RABGAP1: variants seen among roughly 807,000 people sequenced by gnomAD.
The protein encoded by RABGAP1 is RAB GTPase activating protein 1.
Under a neutral mutation model 137.6 loss-of-function variants are expected in RABGAP1, and 23 were observed. The ratio of observed to expected loss-of-function variants is 0.17; its 90% CI spans 0.12 to 0.24. RABGAP1 has a LOEUF of 0.24. Among genes scored for constraint, RABGAP1 ranks in the 10% least tolerant of loss-of-function variants. The probability of loss-of-function intolerance (pLI) is 1.00; values close to 1 mark genes in which losing one functional copy is unlikely to be tolerated. For synonymous variants in RABGAP1, 451 were observed against 450.7 expected, an observed-to-expected ratio of 1.00 and a Z score of -0.01; for missense variants, 906 against 1,275.8, an observed-to-expected ratio of 0.71 and a Z score of 4.42.
chr9:122,962,857 A>T (rs558584647), intron 2 of RABGAP1, among the ~76,000 whole-genome samples: 36 of 152,332 alleles, frequency 2.4e-4, no homozygotes, highest in Admixed American at 2.2e-3. Context: ...AGGTTTAGAG[A>T]TACAAATAGA....
At chr9:123,084,195 A>G (rs1465146330) in intron 19 of RABGAP1, among the ~76,000 whole-genome samples, 1 of 152,244 alleles carries the variant, frequency 6.6e-6, no homozygotes, top group Admixed American at 6.5e-5. Context: ...AGTAAATAAA[A>G]TAGTAGATAT....
At position 123,089,297 on chromosome 9, in the gene RABGAP1, G is replaced by T. The variant is rs184548345; in HGVS notation, c.2425-461G>T. Among the ~76,000 whole-genome samples the T allele has an allele frequency of 1.9e-3, 293 of 152,278 alleles. 1 individual carries two copies. The highest frequency in any genetic ancestry group is 3.1e-3 in the Non-Finnish European group (208 of 68,020). ...CCCAGATCTCCCAGTCCCTTATTGT[G>T]TGACTTTGGTCAAGTTACATAACCA... On this transcript the variant is annotated intron_variant, in intron 19 of 25. Coordinates refer to ENST00000373647, the MANE Select transcript of RABGAP1 (RefSeq NM_012197.4).
chr9:123,102,501 C>T lies in RABGAP1; in HGVS notation c.3088-590C>T, dbSNP rs541737257. On this transcript the variant is annotated intron_variant, in intron 25 of 25. Coordinates refer to ENST00000373647, the MANE Select transcript of RABGAP1 (RefSeq NM_012197.4). ...GCTAAGGCCTGGTAGTGTGACTACCCGGAATAATCAGGAAAGGCATCACCA... is the reference window on the plus strand; with the variant it reads ...GCTAAGGCCTGGTAGTGTGACTACCTGGAATAATCAGGAAAGGCATCACCA... 4.5e-4 allele frequency among the ~76,000 whole-genome samples: 68 copies of T among 152,230 alleles called. 1 individual carries two copies. The South Asian group carries it at 0.013, about 29-fold the overall frequency.
rs201287074 is a variant in RABGAP1 at position 123,052,495 on chromosome 9, G to A, written c.1795-12853G>A. ...AATTTATTCAGTAAGTTTTTATCGG[G>A]TGCCTACTTTGTGTCAGATACTCTT... On this transcript the variant is annotated intron_variant, in intron 13 of 25. Transcript: ENST00000373647. Among the ~76,000 whole-genome samples the A allele has an allele frequency of 2.0e-5, 3 of 152,278 alleles. No individual in the cohort carries two copies. In the East Asian group the frequency reaches 5.8e-4, roughly 29 times the overall value.
chr9:123,065,326 C>T, intron 13 of RABGAP1, 22 bp from the exon 14 acceptor site: 1 of 1,531,284 alleles, frequency 6.5e-7, no homozygotes, highest in Non-Finnish European at 9.0e-7. Flanking sequence ...ACTAAACCCT[C>T]TCTTTCCTTA....
chr9:122,978,857 TG>T, intron 2 of RABGAP1, among the ~76,000 whole-genome samples: 1 of 151,426 alleles, frequency 6.6e-6, no homozygotes, highest in South Asian at 2.1e-4. Flanking sequence ...TTGTCAGAGT[TG>T]TTTTGAATTT....
chr9:122,958,747 A>G (rs1182540585), intron 2 of RABGAP1, among the ~76,000 whole-genome samples: 1 of 152,124 alleles, frequency 6.6e-6, no homozygotes, highest in Non-Finnish European at 1.5e-5. Flanking sequence ...TGTGGCTCAC[A>G]CCTATAATCC....
Position 123,103,329 on chromosome 9 carries a change from C to A in RABGAP1, c.*116C>A. ...GACCAGAATGTACCTAAGTCAGATC[C>A]ATAGACGCATGTTGGTAGGTCACTG... On this transcript the variant is annotated 3_prime_UTR_variant, in exon 26 of 26. Transcript: ENST00000373647. 6.8e-7 allele frequency: 1 copy of A among 1,463,626 alleles called. No individual in the cohort carries two copies. Among genetic ancestry groups the A allele is most frequent in the Non-Finnish European group, 9.2e-7 (1 of 1,086,096 alleles). 90.7% of individuals were successfully genotyped at this position (1,463,626 alleles called of 1,614,324 possible).
intron 3 of RABGAP1, among the ~76,000 whole-genome samples, chr9:122,985,503 T>C (rs1033979601): frequency 1.3e-5 from 2 of 151,570 alleles, no homozygotes; most frequent in African/African-American, 4.8e-5. Context: ...TCACAGCTAC[T>C]TGGGAGGCTG....
intron 1 of RABGAP1, among the ~76,000 whole-genome samples, chr9:122,955,664 A>G (rs1278090573): frequency 6.6e-6 from 1 of 152,086 alleles, no homozygotes; most frequent in Non-Finnish European, 1.5e-5. Context: ...TCTGCCATCA[A>G]CTTGATTTTA....
At chr9:122,975,431 A>T (rs905909720) in intron 2 of RABGAP1, among the ~76,000 whole-genome samples, 1 of 152,186 alleles carries the variant, frequency 6.6e-6, no homozygotes, top group African/African-American at 2.4e-5. Flanking sequence ...CATAAATGCA[A>T]TTTTGCTCTC....
chr9:123,085,871 T>C (rs2034847289), intron 19 of RABGAP1, among the ~76,000 whole-genome samples: 1 of 152,248 alleles, frequency 6.6e-6, no homozygotes, highest in Non-Finnish European at 1.5e-5. Context: ...GCTTAACTAT[T>C]GGTTAAATAA....
At chr9:123,020,916 C>A (rs2031587878) in intron 13 of RABGAP1, 3 of 909,904 alleles carry the variant, frequency 3.3e-6, no homozygotes, top group Non-Finnish European at 3.9e-6. Flanking sequence ...TGAAAAAAAT[C>A]TCATTTGTAT....
intron 13 of RABGAP1, among the ~76,000 whole-genome samples, chr9:123,059,419 G>A (rs2033877245): frequency 6.6e-6 from 1 of 152,114 alleles, no homozygotes; most frequent in Admixed American, 6.6e-5. Context: ...GCCAGGCGTG[G>A]TGGCGGGCAC....
chr9:123,029,938 G>A (rs1398012748), intron 13 of RABGAP1, among the ~76,000 whole-genome samples: 2 of 152,198 alleles, frequency 1.3e-5, no homozygotes, highest in Non-Finnish European at 2.9e-5. Flanking sequence ...TAGGTTGGGA[G>A]AAAAAGAAAT....
chr9:123,006,839 C>G (rs2030320056), intron 10 of RABGAP1, among the ~76,000 whole-genome samples: 1 of 152,106 alleles, frequency 6.6e-6, no homozygotes, highest in Non-Finnish European at 1.5e-5. Flanking sequence ...GAACTCCTGA[C>G]CTCAGGTGAT....
In RABGAP1 at chr9:122,957,141, G is replaced by A; in HGVS notation, c.82G>A (p.Val28Ile). 6.4e-7 allele frequency: 1 copy of A among 1,571,800 alleles called. No homozygotes were observed. The highest frequency in any genetic ancestry group is 1.7e-4 in the Middle Eastern group (1 of 5,856). Residue 28 changes from valine (V) to isoleucine (I), a missense_variant, in exon 2 of 26, where the codon GTT becomes ATT. This residue lies in a region of RABGAP1 where 331 missense variants were observed against 358.3 expected (regional missense o/e 0.92). Coordinates refer to ENST00000373647, the MANE Select transcript of RABGAP1 (RefSeq NM_012197.4). ...STLNSEDFVL[V>I]SRQGDETPST... ...TCTTAATAGTGAAGATTTTGTCTTGGTTTCCAGGCAAGGAGATGAGACACC... is the reference window on the plus strand; with the variant it reads ...TCTTAATAGTGAAGATTTTGTCTTGATTTCCAGGCAAGGAGATGAGACACC...
chr9:123,064,788 G>A (rs761631013), intron 13 of RABGAP1, among the ~76,000 whole-genome samples: 3 of 152,210 alleles, frequency 2.0e-5, no homozygotes, highest in Admixed American at 1.3e-4. Context: ...AAAAAGCAAA[G>A]GATATTTTCC....
intron 1 of RABGAP1, among the ~76,000 whole-genome samples, chr9:122,951,147 CT>C (rs1294862596): frequency 3.3e-5 from 5 of 152,154 alleles, no homozygotes. Flanking sequence ...ATTAATACTA[CT>C]CTTTCAAGAA....
Sources: allele counts gnomAD v4.1 joint callset (sites outside exome capture counted in the v4.1 genomes callset), GRCh38; gene constraint gnomAD v4.1.1; regional missense constraint gnomAD v4.1.1; transcripts MANE v1.5; gene names NCBI Gene and HGNC (gene_info 2026-07-23, HGNC 2026-07-21).